Variants in FBXO40 observed in about 807,000 individuals in gnomAD.
The protein encoded by FBXO40 is F-box protein 40, also known as F-box only protein 40.
A neutral mutation model predicts 49.9 loss-of-function variants in FBXO40; 50 were observed. The ratio of observed to expected loss-of-function variants is 1.00; its 90% CI spans 0.80 to 1.27. The LOEUF is 1.27. Among genes scored for constraint, FBXO40 ranks in the 50% most tolerant of loss-of-function variants. The probability of loss-of-function intolerance (pLI) is 0.00; values close to 1 mark genes in which losing one functional copy is unlikely to be tolerated. For synonymous variants in FBXO40, 340 were observed against 320.2 expected (o/e 1.06, Z -0.66); for missense variants, 895 against 870.1 (o/e 1.03, Z -0.36).
At chr3:121,607,725 C>T (rs1210967856) in intron 1 of FBXO40, among the ~76,000 whole-genome samples, 1 of 152,102 alleles carries the variant, frequency 6.6e-6, no homozygotes, top group Non-Finnish European at 1.5e-5. Flanking sequence ...TAAATAAAGT[C>T]TAGTTGCCAG....
At chr3:121,612,607 C>T (rs940159902) in intron 1 of FBXO40, among the ~76,000 whole-genome samples, 2 of 152,020 alleles carry the variant, frequency 1.3e-5, no homozygotes, top group African/African-American at 4.8e-5. Context: ...ATTTTAAATC[C>T]TTATCCTGAC....
chr3:121,601,130 A>T (rs1203684163), intron 1 of FBXO40, among the ~76,000 whole-genome samples: 2 of 152,198 alleles, frequency 1.3e-5, no homozygotes, highest in Non-Finnish European at 2.9e-5. Flanking sequence ...AACCAGGACA[A>T]ATTGGTCATC....
rs764006927 is a variant in FBXO40 at position 121,622,662 on chromosome 3, C to T, written c.1233C>T (p.His411=). The T allele has an allele frequency of 6.8e-6, 11 of 1,614,082 alleles. No individual in the cohort carries two copies. Among genetic ancestry groups the T allele is most frequent in the Middle Eastern group, 1.6e-4 (1 of 6,084 alleles). Reference sequence around the variant, plus strand: ...CTTTGGAAAGAGAACTCAAAGGCCACGTCATCTCTGAATCCAGAAGCATTG... The same window carrying T: ...CTTTGGAAAGAGAACTCAAAGGCCATGTCATCTCTGAATCCAGAAGCATTG... ...QCALERELKG[H]VISESRSIDG... is the part of the protein sequence containing the mutation. The change falls in exon 3 of 4, where the codon CAC becomes CAT. Residue 411 remains histidine, a synonymous_variant. Coordinates refer to ENST00000338040, the MANE Select transcript of FBXO40 (RefSeq NM_016298.4).
intron 1 of FBXO40, among the ~76,000 whole-genome samples, chr3:121,613,071 GAAAAAAA>G (rs34114730): frequency 7.7e-6 from 1 of 129,348 alleles, no homozygotes; most frequent in Non-Finnish European, 1.6e-5. Flanking sequence ...CTCCGTCTCA[GAAAAAAA>G]AAAAAAAAAA....
chr3:121,618,105 G>A (rs995069792), intron 1 of FBXO40, among the ~76,000 whole-genome samples: 1 of 151,880 alleles, frequency 6.6e-6, no homozygotes, highest in Non-Finnish European at 1.5e-5. Flanking sequence ...TTGTATACAG[G>A]CATCAAAATA....
intron 1 of FBXO40, among the ~76,000 whole-genome samples, chr3:121,600,088 T>C (rs960731260): frequency 8.6e-5 from 13 of 150,428 alleles, no homozygotes; most frequent in Non-Finnish European, 1.8e-4. Flanking sequence ...TGGAGTGCAG[T>C]GGCATGATCA....
At chr3:121,596,108 A>T (rs1297428727) in intron 1 of FBXO40, among the ~76,000 whole-genome samples, 2 of 152,322 alleles carry the variant, frequency 1.3e-5, no homozygotes, top group Non-Finnish European at 2.9e-5. Context: ...CAGTGATTTA[A>T]ATACACCTGC....
At position 121,602,078 on chromosome 3, in the gene FBXO40, G is replaced by A. The variant is rs2048903821; in HGVS notation, c.-31+8576G>A. Among the ~76,000 whole-genome samples, 3 of 152,160 alleles carry A rather than the reference G, an allele frequency of 2.0e-5. No individual in the cohort carries two copies. In the South Asian group the frequency reaches 6.2e-4, roughly 31 times the overall value. ...CATTGTCATCATTGTTCTTAACTTT[G>A]CAGTATCATTTGAGGCCGTAGCTCA... On this transcript the variant is annotated intron_variant, in intron 1 of 3. Coordinates refer to ENST00000338040, the MANE Select transcript of FBXO40 (RefSeq NM_016298.4).
chr3:121,598,540 T>C (rs1262049128), intron 1 of FBXO40, among the ~76,000 whole-genome samples: 3 of 152,156 alleles, frequency 2.0e-5, no homozygotes, highest in Admixed American at 1.3e-4. Flanking sequence ...CTAGATGTAG[T>C]TTAAATGGAA....
At position 121,621,532 on chromosome 3, in the gene FBXO40, G is replaced by A; in HGVS notation, c.103G>A (p.Val35Ile). The change falls in exon 3 of 4, where the codon GTA becomes ATA. Residue 35 changes from valine (V) to isoleucine (I), a missense_variant. Coordinates refer to ENST00000338040, the MANE Select transcript of FBXO40 (RefSeq NM_016298.4). ...IPVEPNTSCL[V>I]ISCHLLCGAT... is the part of the protein sequence containing the mutation. ...TGTGGAACCCAACACCTCCTGCCTGGTAATAAGCTGCCACCTGCTCTGTGG... is the reference window on the plus strand; with the variant it reads ...TGTGGAACCCAACACCTCCTGCCTGATAATAAGCTGCCACCTGCTCTGTGG... The A allele has an allele frequency of 6.2e-7, 1 of 1,614,220 alleles. No individual in the cohort carries two copies. Among genetic ancestry groups the A allele is most frequent in the South Asian group, 1.1e-5 (1 of 91,082 alleles).
Position 121,622,225 on chromosome 3 carries a change from A to T in FBXO40, c.796A>T (p.Lys266Ter). 6.2e-7 allele frequency: 1 copy of T among 1,614,190 alleles called. No homozygotes were observed. Among genetic ancestry groups the T allele is most frequent in the South Asian group, 1.1e-5 (1 of 91,076 alleles). Reference sequence around the variant, plus strand: ...GGTAGAAGGAGAGGGCGCTCCCAAAAAGAAAGAACCACAGGAAAATCAGAA... The same window carrying T: ...GGTAGAAGGAGAGGGCGCTCCCAAATAGAAAGAACCACAGGAAAATCAGAA... ...NMVEGEGAPK[K>*]KEPQENQKQQ... The change falls in exon 3 of 4, where the codon AAG becomes TAG. Residue 266 changes from lysine to a stop codon, truncating the protein, a stop_gained. Coordinates refer to ENST00000338040, the MANE Select transcript of FBXO40 (RefSeq NM_016298.4). LOFTEE classifies it high-confidence loss of function.
Position 121,621,947 on chromosome 3 carries a change from T to C in FBXO40, c.518T>C (p.Val173Ala), listed in dbSNP as rs1474364958. The C allele has an allele frequency of 1.2e-6, 2 of 1,613,592 alleles. No homozygotes were observed. The highest frequency in any genetic ancestry group is 1.7e-5 in the Admixed American group (1 of 59,964). Residue 173 changes from valine (V) to alanine (A), a missense_variant, in exon 3 of 4, where the codon GTG (valine) becomes GCG (alanine). Coordinates refer to ENST00000338040, the MANE Select transcript of FBXO40 (RefSeq NM_016298.4). ...ETSVEEMGGA[V>A]GGVDIGLVPH... ...AGTGTGGAGGAAATGGGAGGAGCAGTGGGTGGAGTGGATATCGGTTTGGTA... is the reference window on the plus strand; with the variant it reads ...AGTGTGGAGGAAATGGGAGGAGCAGCGGGTGGAGTGGATATCGGTTTGGTA...
At chr3:121,616,218 A>C (rs769614877) in intron 1 of FBXO40, among the ~76,000 whole-genome samples, 5 of 152,138 alleles carry the variant, frequency 3.3e-5, no homozygotes, top group Admixed American at 1.3e-4. Context: ...TTAGGAGTAT[A>C]GAGCACTCTG....
Position 121,623,316 on chromosome 3 carries a change from A to G in FBXO40, c.1887A>G (p.Gly629=), listed in dbSNP as rs771121662. The G allele has an allele frequency of 5.0e-6, 8 of 1,614,020 alleles. No individual in the cohort carries two copies. Among genetic ancestry groups the G allele is most frequent in the Middle Eastern group, 3.3e-4 (2 of 6,084 alleles). Residue 629 remains glycine, a synonymous_variant, in exon 3 of 4, where the codon GGA becomes GGG. Coordinates refer to ENST00000338040, the MANE Select transcript of FBXO40 (RefSeq NM_016298.4). The part of the protein sequence containing the change: ...LQWKKKRYSH[G]GTSWRVHREI... ...GGAAGAAAAAGAGGTATTCCCATGG[A>G]GGCACCTCCTGGAGAGTCCACAGAG...
At chr3:121,623,688 C>CA (rs1553841580) in intron 3 of FBXO40, among the ~76,000 whole-genome samples, 3 of 128,964 alleles carry the variant, frequency 2.3e-5, no homozygotes, top group Non-Finnish European at 3.2e-5. Context: ...TTTTAAAGGC[C>CA]TTTTTTTTTT....
chr3:121,626,948 C>T lies in FBXO40; in HGVS notation c.*38C>T. The T allele has an allele frequency of 6.3e-7, 1 of 1,594,536 alleles. No homozygotes were observed. Among genetic ancestry groups the T allele is most frequent in the Non-Finnish European group, 8.6e-7 (1 of 1,163,228 alleles). ...CACTCGATGCACCCTTCTTGGATTT[C>T]TTCTCGGAGTTCCTGAAGTAGGACA... On this transcript the variant is annotated 3_prime_UTR_variant, in exon 4 of 4. Transcript: ENST00000338040.
At position 121,623,154 on chromosome 3, in the gene FBXO40, C is replaced by A. The variant is rs201570535; in HGVS notation, c.1725C>A (p.Ser575Arg). ...HGGKSQNSLT[S>R]LPLEILKYIA... ...GAAAAAGCCAGAATTCTTTAACCAG[C>A]CTGCCCCTGGAGATTTTGAAGTACA... Residue 575 changes from serine (S) to arginine (R), a missense_variant, in exon 3 of 4, where the codon AGC becomes AGA. Coordinates refer to ENST00000338040, the MANE Select transcript of FBXO40 (RefSeq NM_016298.4). 2.5e-6 allele frequency: 4 copies of A among 1,614,210 alleles called. No individual in the cohort carries two copies. Among genetic ancestry groups the A allele is most frequent in the South Asian group, 2.2e-5 (2 of 91,080 alleles).
intron 1 of FBXO40, among the ~76,000 whole-genome samples, chr3:121,613,064 C>T (rs569004742): frequency 2.4e-5 from 3 of 125,836 alleles, no homozygotes; most frequent in South Asian, 2.4e-4. Flanking sequence ...AGCAAGACTC[C>T]GTCTCAGAAA....
Position 121,622,185 on chromosome 3 carries a change from C to T in FBXO40, c.756C>T (p.Ser252=), listed in dbSNP as rs780506306. 2 of 1,613,918 alleles carry T rather than the reference C, an allele frequency of 1.2e-6. No individual in the cohort carries two copies. Among genetic ancestry groups the T allele is most frequent in the South Asian group, 1.1e-5 (1 of 91,042 alleles). ...ATGACTCCGAGAAAGAACAGATTTCCAGTGGCCATAACATGGTAGAAGGAG... is the reference window on the plus strand; with the variant it reads ...ATGACTCCGAGAAAGAACAGATTTCTAGTGGCCATAACATGGTAGAAGGAG... The part of the protein sequence containing the change: ...NKNDSEKEQI[S]SGHNMVEGEG... Residue 252 remains serine (S), a synonymous_variant, in exon 3 of 4, where the codon TCC becomes TCT. Transcript: ENST00000338040.
Sources: allele counts gnomAD v4.1 joint callset (sites outside exome capture counted in the v4.1 genomes callset), GRCh38; gene constraint gnomAD v4.1.1; transcripts MANE v1.5; gene names NCBI Gene and HGNC (gene_info 2026-07-23, HGNC 2026-07-21).